The following IL1RAPL1 variants were observed in gnomAD, a reference collection of about 807,000 sequenced individuals.
The protein encoded by IL1RAPL1 is interleukin-1 receptor accessory protein-like 1.
IL1RAPL1 carries 3 observed loss-of-function variants against 48.4 expected under a neutral mutation model. The observed-to-expected ratio is 0.06, with a 90% CI of 0.03 to 0.16. The LOEUF (loss-of-function observed/expected upper bound fraction) is 0.16, where lower values mean the gene tolerates loss of function less well. IL1RAPL1 is among the 10% of genes least tolerant of loss of function. The pLI is 1.00. For synonymous variants in IL1RAPL1, 185 were observed against 187.7 expected, an observed-to-expected ratio of 0.99 and a Z score of 0.12; for missense variants, 349 against 530.6, an observed-to-expected ratio of 0.66 and a Z score of 3.36.
chrX:28,976,064 T>C (rs1334568643), intron 2 of IL1RAPL1, among the ~76,000 whole-genome samples: 2 of 112,203 alleles, frequency 1.8e-5, no homozygotes, highest in African/African-American at 6.5e-5. Context: ...TCCATAAAAA[T>C]CATGTAATGT....
At chrX:29,644,851 G>A (rs1377008697) in intron 5 of IL1RAPL1, among the ~76,000 whole-genome samples, 1 of 112,684 alleles carries the variant, frequency 8.9e-6, no homozygotes, top group East Asian at 2.8e-4. Flanking sequence ...ACAGGCAAGA[G>A]CCACCACGCC....
intron 6 of IL1RAPL1, among the ~76,000 whole-genome samples, chrX:29,906,460 A>AATATAT (rs1164023016): frequency 1.0e-4 from 3 of 29,876 alleles, no homozygotes; most frequent in Admixed American, 6.4e-4. Flanking sequence ...TAACTTTGTA[A>AATATAT]ATATATATAT....
chrX:29,128,233 C>T (rs908590161), intron 2 of IL1RAPL1, among the ~76,000 whole-genome samples: 14 of 111,138 alleles, frequency 1.3e-4, no homozygotes, highest in Admixed American at 2.9e-4. Context: ...TACATTACCT[C>T]ATTGCTCTTA....
At chrX:29,856,202 A>G (rs1931474350) in intron 6 of IL1RAPL1, among the ~76,000 whole-genome samples, 1 of 111,287 alleles carries the variant, frequency 9.0e-6, no homozygotes, top group Admixed American at 9.6e-5. Context: ...CTTATATTTG[A>G]TTTTAGAAAA....
At chrX:29,149,786 A>C (rs1168992145) in intron 2 of IL1RAPL1, among the ~76,000 whole-genome samples, 1 of 111,939 alleles carries the variant, frequency 8.9e-6, no homozygotes, top group Non-Finnish European at 1.9e-5. Flanking sequence ...TCAGAAGATG[A>C]AGATGTGGAG....
At chrX:29,500,807 G>T (rs760835906) in intron 5 of IL1RAPL1, among the ~76,000 whole-genome samples, 1 of 53,839 alleles carries the variant, frequency 1.9e-5, no homozygotes, top group African/African-American at 7.4e-5. Context: ...TGATATATTT[G>T]TCTTTTTTCT....
chrX:29,361,561 A>ACACG (rs1555998903), intron 3 of IL1RAPL1, among the ~76,000 whole-genome samples: 1 of 108,005 alleles, frequency 9.3e-6, no homozygotes, highest in African/African-American at 3.6e-5. Context: ...ACACACACAC[A>ACACG]CACACACACA....
intron 6 of IL1RAPL1, among the ~76,000 whole-genome samples, chrX:29,872,982 CAG>C (rs1240490844): frequency 2.7e-5 from 3 of 112,109 alleles, no homozygotes; most frequent in African/African-American, 9.7e-5. Flanking sequence ...CTAATTAAAA[CAG>C]ATAACAACAA....
intron 6 of IL1RAPL1, among the ~76,000 whole-genome samples, chrX:29,816,104 A>G (rs1930486568): frequency 9.0e-6 from 1 of 111,515 alleles, no homozygotes; most frequent in Non-Finnish European, 1.9e-5. Context: ...AGGGAATCAA[A>G]AATTCATACA....
Position 29,484,005 on chromosome X carries a change from A to T in IL1RAPL1, c.703+84697A>T, listed in dbSNP as rs6628433. Reference sequence around the variant, plus strand: ...ACTGCACCTGGCCCAGTAGTCCATTAAAAAAAAAAAAAAAAAAAAACTCAT... The same window carrying T: ...ACTGCACCTGGCCCAGTAGTCCATTTAAAAAAAAAAAAAAAAAAAACTCAT... On this transcript the variant is annotated intron_variant, in intron 5 of 10. Coordinates refer to ENST00000378993, the MANE Select transcript of IL1RAPL1 (RefSeq NM_014271.4). 9.5e-3 allele frequency among the ~76,000 whole-genome samples: 261 copies of T among 27,575 alleles called. 3 individuals carry two copies. Among genetic ancestry groups the T allele is most frequent in the African/African-American group, 0.036 (216 of 6,041 alleles). The allele number at this position is 27,575 out of a possible 115,157, so 23.9% of individuals were successfully genotyped here.
At chrX:28,668,876 G>A (rs1236220122) in intron 1 of IL1RAPL1, among the ~76,000 whole-genome samples, 1 of 111,792 alleles carries the variant, frequency 8.9e-6, no homozygotes, top group South Asian at 3.7e-4. Flanking sequence ...ACCTGGAACT[G>A]AATTTGTGTC....
chrX:28,832,437 C>G (rs989725031), intron 2 of IL1RAPL1, among the ~76,000 whole-genome samples: 1 of 111,416 alleles, frequency 9.0e-6, no homozygotes, highest in Non-Finnish European at 1.9e-5. Context: ...CCCCCAAATT[C>G]TCTTTTCAGA....
intron 5 of IL1RAPL1, among the ~76,000 whole-genome samples, chrX:29,522,542 C>T (rs968974331): frequency 6.3e-5 from 7 of 111,790 alleles, no homozygotes; most frequent in Non-Finnish European, 1.3e-4. Context: ...CTGTTACAGA[C>T]GTAGCTGTTG....
chrX:29,873,779 A>G (rs1293840043), intron 6 of IL1RAPL1, among the ~76,000 whole-genome samples: 3 of 111,884 alleles, frequency 2.7e-5, no homozygotes, highest in Non-Finnish European at 1.9e-5. Context: ...TTTAGCGTTA[A>G]TGAGTACAGC....
At chrX:29,595,629 C>A (rs1923521693) in intron 5 of IL1RAPL1, among the ~76,000 whole-genome samples, 1 of 111,687 alleles carries the variant, frequency 9.0e-6, no homozygotes, top group Non-Finnish European at 1.9e-5. Flanking sequence ...TTTGTAGATT[C>A]TAGATATTAG....
chrX:28,687,738 C>T (rs1381157184), intron 1 of IL1RAPL1, among the ~76,000 whole-genome samples: 1 of 107,312 alleles, frequency 9.3e-6, no homozygotes, highest in Non-Finnish European at 1.9e-5. Context: ...GCGGAGATTG[C>T]ACCACTGCAC....
At chrX:29,559,706 G>A (rs1375982782) in intron 5 of IL1RAPL1, among the ~76,000 whole-genome samples, 1 of 109,372 alleles carries the variant, frequency 9.1e-6, no homozygotes, top group East Asian at 2.8e-4. Flanking sequence ...TTACCATGAG[G>A]TTTACATAAA....
At chrX:29,825,940 C>T (rs900100213) in intron 6 of IL1RAPL1, among the ~76,000 whole-genome samples, 7 of 111,023 alleles carry the variant, frequency 6.3e-5, no homozygotes, top group African/African-American at 9.8e-5. Context: ...TTTGTTTTCA[C>T]GGTGTCCCTA....
chrX:28,737,206 T>TCTTC (rs1935849531), intron 1 of IL1RAPL1, among the ~76,000 whole-genome samples: 1 of 10,646 alleles, frequency 9.4e-5, no homozygotes, highest in Non-Finnish European at 1.7e-4. Flanking sequence ...TCTTTCTTTC[T>TCTTC]CTTTCTTTCT....
Sources: gnomAD v4.1 joint callset for allele counts (sites outside exome capture counted in the v4.1 genomes callset) on GRCh38, gnomAD v4.1.1 for gene constraint, MANE v1.5 for transcripts, NCBI Gene and HGNC (gene_info 2026-07-23, HGNC 2026-07-21) for gene names.